Variants in SCRIB observed in about 807,000 individuals in gnomAD.
SCRIB encodes the protein protein scribble homolog.
A neutral mutation model predicts 170.0 loss-of-function variants in SCRIB; 72 were observed. That is an observed-to-expected ratio of 0.42 (90% CI 0.35 to 0.52). The LOEUF (loss-of-function observed/expected upper bound fraction) is 0.52, where lower values mean the gene tolerates loss of function less well. Ranked by LOEUF, SCRIB falls within the 20% of genes least tolerant of loss-of-function variation. The pLI, the probability that SCRIB is intolerant of heterozygous loss-of-function variation, is 0.02. For missense variants in SCRIB, 2,475 were observed against 2,338.5 expected (o/e 1.06, Z -1.20); for synonymous variants, 1,298 against 1,044.3 (o/e 1.24, Z -4.68).
Position 143,815,363 on chromosome 8 carries a change from A to C in SCRIB, c.10T>G (p.Cys4Gly), listed in dbSNP as rs1351208033. The change falls in exon 1 of 37, where the codon TGC becomes GGC. Residue 4 changes from cysteine to glycine, a missense_variant. Physicochemically the swap from Cys to Gly is radical, Grantham distance 159. Transcript: ENST00000356994. MLK[C>G]IPLWRCNRHV... ...CGGTTGCAGCGCCACAGCGGGATGC[A>C]CTTGAGCATGGTGCGGGTGGGCGGC... 6.8e-7 allele frequency: 1 copy of C among 1,478,908 alleles called. No homozygotes were observed. The highest frequency in any genetic ancestry group is 2.2e-5 in the Admixed American group (1 of 45,374). 91.6% of individuals were successfully genotyped at this position (1,478,908 alleles called of 1,614,324 possible).
chr8:143,791,351 G>A, intron 36 of SCRIB, 38 bp downstream of exon 36: 1 of 1,598,202 alleles, frequency 6.3e-7, no homozygotes, highest in East Asian at 2.3e-5. Flanking sequence ...AGGGCAGCTG[G>A]GCTCCTGGGA....
At chr8:143,796,138 G>C (rs968073535) in intron 24 of SCRIB, among the ~76,000 whole-genome samples, 4 of 152,182 alleles carry the variant, frequency 2.6e-5, no homozygotes, top group Admixed American at 1.3e-4. Flanking sequence ...GACAGGGCCA[G>C]GACAGGCAGG....
chr8:143,803,319 A>C, intron 24 of SCRIB, 64 bp downstream of exon 24: 1 of 1,424,736 alleles, frequency 7.0e-7, no homozygotes, highest in Non-Finnish European at 9.3e-7. Flanking sequence ...GAGAGGTGTC[A>C]GCGGCTCACA....
chr8:143,804,012 C>T (rs782206737), intron 22 of SCRIB, 34 bp downstream of exon 22: 3 of 1,582,410 alleles, frequency 1.9e-6, no homozygotes, highest in African/African-American at 1.3e-5. Flanking sequence ...GATGGGTGCA[C>T]CTCTCACAGA....
rs1338617057 is a variant in SCRIB at position 143,814,482 on chromosome 8, GACA to G, written c.160-367_160-365del. Among the ~76,000 whole-genome samples, 8 of 152,158 alleles carry G rather than the reference GACA, an allele frequency of 5.3e-5. No homozygotes were observed. The East Asian group carries it at 1.2e-3, about 22-fold the overall frequency. ...ACACTGGCCTCTGCTACTGCATCCT[GACA>G]ACAAGCCTGGCCTGGTTCTGCAGCA... On this transcript the variant is annotated intron_variant, in intron 1 of 36. Coordinates refer to ENST00000356994, the MANE Select transcript of SCRIB (RefSeq NM_182706.5).
chr8:143,809,063 T>A (rs761168040), intron 14 of SCRIB, 38 bp from the exon 15 acceptor site: 2 of 1,572,604 alleles, frequency 1.3e-6, no homozygotes, highest in Non-Finnish European at 1.7e-6. Flanking sequence ...CCCAGCTCTG[T>A]GGCTGTGCTT....
intron 27 of SCRIB, among the ~76,000 whole-genome samples, 198 bp downstream of exon 27, chr8:143,794,840 C>T (rs1357682065): frequency 4.6e-5 from 7 of 152,130 alleles, no homozygotes; most frequent in Non-Finnish European, 1.5e-5. Flanking sequence ...GGTGGGGCAG[C>T]ACCAACATGG....
intron 14 of SCRIB, 135 bp from the exon 15 acceptor site, chr8:143,809,160 G>T: frequency 1.7e-6 from 2 of 1,190,370 alleles, no homozygotes; most frequent in Non-Finnish European, 2.3e-6. Context: ...TAACTGCCCA[G>T]TGAGGGGCGC....
chr8:143,791,546 G>T, intron 35 of SCRIB, 106 bp from the exon 36 acceptor site: 1 of 1,573,312 alleles, frequency 6.4e-7, no homozygotes, highest in Non-Finnish European at 8.7e-7. Context: ...CGGCTGAAGG[G>T]GGAGGGGGGG....
chr8:143,805,317 G>C lies in SCRIB; in HGVS notation c.2465C>G (p.Ala822Gly), dbSNP rs915864380. 6.5e-7 allele frequency: 1 copy of C among 1,544,734 alleles called. No individual in the cohort carries two copies. The highest frequency in any genetic ancestry group is 1.9e-5 in the Admixed American group (1 of 52,600). ...WRERMVEPENAVTITPLRPED... is the reference protein window; with the variant it reads ...WRERMVEPENGVTITPLRPED... ...GGGCCGCAGCGGCGTGATGGTGACC[G>C]CGTTCTCAGGCTCCACCATGCGCTC... The change falls in exon 19 of 37, where the codon GCG (alanine) becomes GGG (glycine). Residue 822 changes from alanine (A) to glycine (G), a missense_variant. By Grantham distance (60) the Ala-to-Gly change is moderately conservative. Around this residue, in one of 3 missense-constraint regions of SCRIB, gnomAD observed 1,966 missense variants for 1,742.9 expected, o/e 1.13. Transcript: ENST00000356994.
intron 26 of SCRIB, 35 bp from the exon 27 acceptor site, chr8:143,795,147 A>G (rs200939085): frequency 6.2e-7 from 1 of 1,603,974 alleles, no homozygotes; most frequent in African/African-American, 1.3e-5. Context: ...TAGCAGGGGT[A>G]GCTCCGTGGC....
chr8:143,793,178 C>G (rs906781858), intron 28 of SCRIB, 95 bp from the exon 29 acceptor site: 29 of 682,660 alleles, frequency 4.2e-5, no homozygotes, highest in Non-Finnish European at 6.1e-5. Flanking sequence ...CCTGTCCCCC[C>G]GCCTGCCTTT....
At chr8:143,793,615 G>A (rs1814810187) in intron 28 of SCRIB, 2 of 431,526 alleles carry the variant, frequency 4.6e-6, no homozygotes, top group Non-Finnish European at 8.3e-6. Context: ...GTGGGCCCTG[G>A]GAGGTGTTGG....
In SCRIB at chr8:143,791,127, GC is replaced by G; in HGVS notation, c.*35del. 1 of 1,385,270 alleles carries G rather than the reference GC, an allele frequency of 7.2e-7. No homozygotes were observed. 85.8% of individuals were successfully genotyped at this position (1,385,270 alleles called of 1,614,324 possible). ...CAAGGGTGGTGCTGGAGCTGGCAGGGCCCCCACCCCAAGTCTGGGGGAGGTG... is the reference window on the plus strand; with the variant it reads ...CAAGGGTGGTGCTGGAGCTGGCAGGGCCCCACCCCAAGTCTGGGGGAGGTG... On this transcript the variant is annotated 3_prime_UTR_variant, in exon 37 of 37. Transcript: ENST00000356994.
At chr8:143,794,094 G>A (rs1814832037) in intron 27 of SCRIB, 132 bp from the exon 28 acceptor site, 1 of 797,396 alleles carries the variant, frequency 1.3e-6, no homozygotes. Context: ...TATAGCCCAG[G>A]GGATGCCCCA....
At chr8:143,813,401 G>A in intron 5 of SCRIB, 27 bp from the exon 6 acceptor site, 3 of 1,613,274 alleles carry the variant, frequency 1.9e-6, no homozygotes, top group South Asian at 1.1e-5. Context: ...GTGGAGGTGT[G>A]GCCACGCAGC....
In SCRIB at chr8:143,811,152, C is replaced by T; in HGVS notation, c.1100G>A (p.Gly367Glu). ...GGGCAAGGCTGGCACTCACCGGTTCCCCGCCACGTCCAGCACGTGCAGCTC... is the reference window on the plus strand; with the variant it reads ...GGGCAAGGCTGGCACTCACCGGTTCTCCGCCACGTCCAGCACGTGCAGCTC... The part of the protein sequence containing the change: ...TTELHVLDVA[G>E]NRLQSLPFAL... Residue 367 changes from glycine (G) to glutamate (E), a missense_variant, in exon 10 of 37, where the codon GGG becomes GAG. Coordinates refer to ENST00000356994, the MANE Select transcript of SCRIB (RefSeq NM_182706.5). 3 of 1,602,930 alleles carry T rather than the reference C, an allele frequency of 1.9e-6. No homozygotes were observed. Among genetic ancestry groups the T allele is most frequent in the Non-Finnish European group, 1.7e-6 (2 of 1,175,260 alleles).
At chr8:143,814,526 C>T (rs1200591666) in intron 1 of SCRIB, among the ~76,000 whole-genome samples, 1 of 152,116 alleles carries the variant, frequency 6.6e-6, no homozygotes, top group Non-Finnish European at 1.5e-5. Context: ...TCAGTAAACG[C>T]TCCCCACAAT....
rs782708141 is a variant in SCRIB at position 143,795,482 on chromosome 8, G to T, written c.3652C>A (p.Arg1218=). 4.3e-6 allele frequency: 7 copies of T among 1,613,108 alleles called. No individual in the cohort carries two copies. In the South Asian group the frequency reaches 7.7e-5, roughly 18 times the overall value. Residue 1218 remains arginine (R), a synonymous_variant, in exon 25 of 37, where the codon CGG becomes AGG. Transcript: ENST00000356994. ...ANPFAAGIGH[R]NSLESISSID... is the part of the protein sequence containing the mutation. ...GAAGAGATGCTCTCCAGGCTGTTCC[G>T]GTGGCCGATGCCTGCCGCAAAGGGG...
Sources: gnomAD v4.1 joint callset for allele counts (sites outside exome capture counted in the v4.1 genomes callset) on GRCh38, gnomAD v4.1.1 for gene constraint, gnomAD v4.1.1 regional missense constraint, MANE v1.5 for transcripts, NCBI Gene and HGNC (gene_info 2026-07-23, HGNC 2026-07-21) for gene names.